Variants in CAMTA1 observed in about 807,000 individuals in gnomAD.
CAMTA1 encodes calmodulin-binding transcription activator 1.
In CAMTA1, 27 loss-of-function variants were observed where a neutral mutation model predicts 170.9. The observed-to-expected ratio is 0.16, with a 90% CI of 0.12 to 0.22. CAMTA1 has a LOEUF of 0.22. Among genes scored for constraint, CAMTA1 ranks in the 10% least tolerant of loss-of-function variants. The pLI is 1.00. For synonymous variants in CAMTA1, 833 were observed against 891.5 expected, an observed-to-expected ratio of 0.93 and a Z score of 1.17; for missense variants, 1,619 against 2,217.2, an observed-to-expected ratio of 0.73 and a Z score of 5.42.
intron 5 of CAMTA1, among the ~76,000 whole-genome samples, chr1:7,394,072 T>C (rs1011274006): frequency 4.6e-5 from 7 of 152,364 alleles, no homozygotes; most frequent in African/African-American, 1.7e-4. Flanking sequence ...TGTGTATATG[T>C]ACCACATTTT....
intron 12 of CAMTA1, among the ~76,000 whole-genome samples, chr1:7,733,419 G>T (rs2096748571): frequency 6.6e-6 from 1 of 152,182 alleles, no homozygotes; most frequent in South Asian, 2.1e-4. Flanking sequence ...ATTCAGTGTA[G>T]AATGACATTA....
intron 3 of CAMTA1, among the ~76,000 whole-genome samples, chr1:7,048,455 C>T (rs779219519): frequency 6.6e-6 from 1 of 152,212 alleles, no homozygotes; most frequent in Non-Finnish European, 1.5e-5. Context: ...TTAAAAGTTT[C>T]AGGAATGGGT....
chr1:7,515,849 G>A (rs563441497), intron 6 of CAMTA1, among the ~76,000 whole-genome samples: 15 of 152,338 alleles, frequency 9.8e-5, no homozygotes, highest in African/African-American at 2.4e-4. Context: ...GCAGCAGGTC[G>A]TGGGACATGG....
At chr1:7,266,546 G>A (rs1668963512) in intron 5 of CAMTA1, among the ~76,000 whole-genome samples, 1 of 152,216 alleles carries the variant, frequency 6.6e-6, no homozygotes, top group South Asian at 2.1e-4. Context: ...AAAACAGATA[G>A]GTTCTTCACC....
intron 5 of CAMTA1, among the ~76,000 whole-genome samples, chr1:7,421,517 G>A (rs1050434295): frequency 4.6e-5 from 7 of 152,262 alleles, no homozygotes; most frequent in Non-Finnish European, 8.8e-5. Context: ...ACGAGTGCTG[G>A]ATTGCTCTGG....
chr1:7,205,179 C>T (rs1039163766), intron 4 of CAMTA1, among the ~76,000 whole-genome samples: 3 of 151,940 alleles, frequency 2.0e-5, no homozygotes, highest in Non-Finnish European at 4.4e-5. Context: ...GTGCTCTCCG[C>T]TCACTGCAAC....
chr1:6,799,079 A>T (rs1289389336), intron 1 of CAMTA1, among the ~76,000 whole-genome samples: 1 of 151,988 alleles, frequency 6.6e-6, no homozygotes, highest in Admixed American at 6.6e-5. Context: ...ATTATTAATT[A>T]AAAAAATTTT....
intron 5 of CAMTA1, among the ~76,000 whole-genome samples, chr1:7,303,253 G>A (rs980118360): frequency 1.3e-5 from 2 of 152,128 alleles, no homozygotes; most frequent in Admixed American, 6.5e-5. Flanking sequence ...AAAGAGCATG[G>A]CTTCAGCACC....
intron 3 of CAMTA1, among the ~76,000 whole-genome samples, chr1:6,866,258 A>G (rs1472847546): frequency 6.6e-6 from 1 of 152,244 alleles, no homozygotes. Context: ...TCTTAGGGGT[A>G]GGACTTAGAA....
intron 3 of CAMTA1, among the ~76,000 whole-genome samples, chr1:6,826,921 C>T (rs1262450944): frequency 6.6e-6 from 1 of 152,216 alleles, no homozygotes; most frequent in East Asian, 1.9e-4. Flanking sequence ...AACCCTTCAA[C>T]TTTCACATGT....
In CAMTA1 at chr1:6,864,467, TG is replaced by T. The variant is rs1195151031; in HGVS notation, c.234+39258del. Among the ~76,000 whole-genome samples the T allele has an allele frequency of 6.6e-5, 10 of 152,308 alleles. 1 individual carries two copies. In the East Asian group the frequency reaches 1.9e-3, roughly 29 times the overall value. On this transcript the variant is annotated intron_variant, in intron 3 of 22. Coordinates refer to ENST00000303635, the MANE Select transcript of CAMTA1 (RefSeq NM_015215.4). Reference sequence around the variant, plus strand: ...GTTCCCAAGCCTTTGAGCGGCTTCTTGTTGTACTTGAGATACCACCCCACCT... The same window carrying T: ...GTTCCCAAGCCTTTGAGCGGCTTCTTTTGTACTTGAGATACCACCCCACCT...
chr1:7,700,884 G>A (rs1454578728), intron 11 of CAMTA1: 1 of 152,214 alleles, frequency 6.6e-6, no homozygotes, highest in Non-Finnish European at 1.5e-5. Flanking sequence ...TGTAACAGGT[G>A]TAATGAAATC....
intron 3 of CAMTA1, among the ~76,000 whole-genome samples, chr1:6,958,991 T>G (rs551938143): frequency 1.5e-3 from 229 of 152,322 alleles, no homozygotes; most frequent in Non-Finnish European, 2.7e-3. Context: ...GCAAAAAAGC[T>G]CATTAAAATT....
chr1:6,920,456 C>T (rs1681760585), intron 3 of CAMTA1, among the ~76,000 whole-genome samples: 1 of 152,162 alleles, frequency 6.6e-6, no homozygotes, highest in Non-Finnish European at 1.5e-5. Flanking sequence ...TTTCCAGGTG[C>T]ACTGTGCAAA....
At chr1:7,262,919 G>A (rs1167498042) in intron 5 of CAMTA1, among the ~76,000 whole-genome samples, 1 of 152,214 alleles carries the variant, frequency 6.6e-6, no homozygotes, top group Admixed American at 6.5e-5. Context: ...CAGAGAGGTC[G>A]GGTGCCAGCA....
intron 4 of CAMTA1, among the ~76,000 whole-genome samples, chr1:7,112,798 T>C (rs1644142902): frequency 6.6e-6 from 1 of 152,236 alleles, no homozygotes. Context: ...TGTCTGCCTC[T>C]CTGACATCAA....
rs182906690 is a variant in CAMTA1 at position 6,790,150 on chromosome 1, A to G, written c.45+4575A>G. Among the ~76,000 whole-genome samples, 106 of 151,884 alleles carry G rather than the reference A, an allele frequency of 7.0e-4. 2 individuals are homozygous for G. Among genetic ancestry groups the G allele is most frequent in the African/African-American group, 2.5e-3 (102 of 41,426 alleles). ...GGCCTTCGGTGTGGTGCTTGTCTTAATGCTTGTCTTTTATATAGTCTTGCA... is the reference window on the plus strand; with the variant it reads ...GGCCTTCGGTGTGGTGCTTGTCTTAGTGCTTGTCTTTTATATAGTCTTGCA... On this transcript the variant is annotated intron_variant, in intron 1 of 22. Coordinates refer to ENST00000303635, the MANE Select transcript of CAMTA1 (RefSeq NM_015215.4).
intron 22 of CAMTA1, among the ~76,000 whole-genome samples, chr1:7,762,242 G>A (rs2096981777): frequency 6.6e-6 from 1 of 152,108 alleles, no homozygotes; most frequent in South Asian, 2.1e-4. Context: ...AAATAACCAA[G>A]GAGAATCACC....
chr1:7,365,193 T>C (rs2085869321), intron 5 of CAMTA1, among the ~76,000 whole-genome samples: 1 of 150,584 alleles, frequency 6.6e-6, no homozygotes, highest in South Asian at 2.1e-4. Flanking sequence ...TTCCAGCCTC[T>C]GTCTGGAGGC....
Sources: gnomAD v4.1 joint callset for allele counts (sites outside exome capture counted in the v4.1 genomes callset) on GRCh38, gnomAD v4.1.1 for gene constraint, MANE v1.5 for transcripts, NCBI Gene and HGNC (gene_info 2026-07-23, HGNC 2026-07-21) for gene names.